FOXN3: variants seen among roughly 807,000 people sequenced by gnomAD.
The protein encoded by FOXN3 is forkhead box N3.
FOXN3 carries 7 observed loss-of-function variants against 38.4 expected under a neutral mutation model. The observed-to-expected ratio is 0.18, with a 90% CI of 0.10 to 0.34. The LOEUF is 0.34. FOXN3 is among the 10% of genes least tolerant of loss of function. The pLI is 1.00. For synonymous variants in FOXN3, 230 were observed against 242.2 expected (o/e 0.95, Z 0.47); for missense variants, 456 against 613.4 (o/e 0.74, Z 2.71).
At chr14:89,443,238 C>A (rs1029263450) in intron 1 of FOXN3, among the ~76,000 whole-genome samples, 9 of 152,318 alleles carry the variant, frequency 5.9e-5, no homozygotes, top group African/African-American at 1.9e-4. Flanking sequence ...ACAGGGAAAA[C>A]TGGCTATTTG....
chr14:89,216,949 ATCT>A (rs1451151563), intron 4 of FOXN3, among the ~76,000 whole-genome samples: 1 of 152,096 alleles, frequency 6.6e-6, no homozygotes, highest in Non-Finnish European at 1.5e-5. Flanking sequence ...TGGAAATGGC[ATCT>A]TCTTATTCTC....
chr14:89,181,054 A>G (rs1887662553), intron 4 of FOXN3, among the ~76,000 whole-genome samples: 1 of 152,034 alleles, frequency 6.6e-6, no homozygotes, highest in Admixed American at 6.6e-5. Flanking sequence ...GTACACCTGC[A>G]CATACAGACA....
intron 5 of FOXN3, among the ~76,000 whole-genome samples, chr14:89,178,980 C>T (rs1887595316): frequency 6.6e-6 from 1 of 152,128 alleles, no homozygotes; most frequent in Non-Finnish European, 1.5e-5. Flanking sequence ...AGAAGGTAAA[C>T]TATGAGGCAA....
At chr14:89,371,493 A>G (rs1190354596) in intron 2 of FOXN3, among the ~76,000 whole-genome samples, 2 of 152,008 alleles carry the variant, frequency 1.3e-5, no homozygotes, top group African/African-American at 2.4e-5. Flanking sequence ...CCCGGCATTA[A>G]GCACACAAAT....
rs1286245307 is a variant in FOXN3, at chr14:89,505,758, T to C, written c.-14-93268A>G. Among the ~76,000 whole-genome samples, 8 of 150,228 alleles carry C rather than the reference T, an allele frequency of 5.3e-5. No individual in the cohort carries two copies. The South Asian group carries it at 6.4e-4, about 12-fold the overall frequency. ...CCCATCGTCTGGGATGTGAGGAGCC[T>C]CTCTGCCTGGCTGCCCAGTCTGGAA... On this transcript the variant is annotated intron_variant, in intron 1 of 6. Coordinates refer to the FOXN3 transcript ENST00000345097.
intron 4 of FOXN3, among the ~76,000 whole-genome samples, chr14:89,205,465 C>G (rs1232790669): frequency 6.6e-6 from 1 of 152,230 alleles, no homozygotes; most frequent in East Asian, 1.9e-4. Context: ...TGCCACACTC[C>G]CATCGTGTGC....
At chr14:89,357,044 G>C (rs940947131) in intron 2 of FOXN3, among the ~76,000 whole-genome samples, 17 of 152,160 alleles carry the variant, frequency 1.1e-4, no homozygotes, top group Non-Finnish European at 2.1e-4. Flanking sequence ...GACGGAGAAA[G>C]GAGGACAGCT....
intron 1 of FOXN3, among the ~76,000 whole-genome samples, chr14:89,534,132 G>A (rs1464131387): frequency 1.5e-4 from 20 of 131,218 alleles, no homozygotes; most frequent in African/African-American, 4.5e-4. Context: ...TTGAGACAGC[G>A]TCTCACTCTG....
intron 2 of FOXN3, among the ~76,000 whole-genome samples, chr14:89,392,934 G>T (rs1175614269): frequency 1.1e-4 from 17 of 151,760 alleles, no homozygotes. Context: ...AGCCTCCCGA[G>T]TAGCTGGGAC....
chr14:89,261,366 C>T (rs1277086609), intron 4 of FOXN3, among the ~76,000 whole-genome samples: 1 of 152,174 alleles, frequency 6.6e-6, no homozygotes, highest in Non-Finnish European at 1.5e-5. Context: ...CAAGCAGAAA[C>T]GCTGGGACTC....
intron 4 of FOXN3, among the ~76,000 whole-genome samples, chr14:89,215,752 G>A: frequency 6.6e-6 from 1 of 152,214 alleles, no homozygotes; most frequent in East Asian, 1.9e-4. Flanking sequence ...GTGGCAGTCA[G>A]GAGAATTTGT....
intron 4 of FOXN3, among the ~76,000 whole-genome samples, chr14:89,254,939 A>G (rs1159550887): frequency 6.6e-6 from 1 of 152,236 alleles, no homozygotes; most frequent in Non-Finnish European, 1.5e-5. Context: ...AGAGATCTGC[A>G]GGAAAGCTAA....
intron 1 of FOXN3, among the ~76,000 whole-genome samples, chr14:89,508,413 GA>G (rs1457448004): frequency 6.6e-6 from 1 of 152,174 alleles, no homozygotes; most frequent in Non-Finnish European, 1.5e-5. Flanking sequence ...AGACAGCCTA[GA>G]AATTCCACAG....
chr14:89,456,396 G>A (rs1289057931), intron 1 of FOXN3, among the ~76,000 whole-genome samples: 1 of 152,110 alleles, frequency 6.6e-6, no homozygotes, highest in African/African-American at 2.4e-5. Flanking sequence ...ATACCCCATG[G>A]CATCTCCAGC....
At chr14:89,417,534 T>C, upstream of FOXN3, 1 of 191,132 alleles carries the variant, frequency 5.2e-6, no homozygotes, top group Non-Finnish European at 1.1e-5. Flanking sequence ...GGCAGGTGGG[T>C]CAGGCGGCGC....
chr14:89,526,820 A>C (rs1894441401), intron 1 of FOXN3, among the ~76,000 whole-genome samples: 1 of 152,168 alleles, frequency 6.6e-6, no homozygotes. Flanking sequence ...AAATTAGAAG[A>C]CTTACAGTAC....
intron 3 of FOXN3, 29 bp downstream of exon 3, chr14:89,350,643 A>G (rs773617873): frequency 6.7e-7 from 1 of 1,484,936 alleles, no homozygotes; most frequent in Non-Finnish European, 8.9e-7. Flanking sequence ...ATTTCAGTAG[A>G]CCAAAAAAAA....
At chr14:89,265,465 C>T (rs1885945537) in intron 4 of FOXN3, among the ~76,000 whole-genome samples, 1 of 152,038 alleles carries the variant, frequency 6.6e-6, no homozygotes, top group African/African-American at 2.4e-5. Flanking sequence ...ATCAGACCAG[C>T]CTCTATCACA....
chr14:89,325,301 ACACCAC>A (rs1369611682), intron 3 of FOXN3, among the ~76,000 whole-genome samples: 1 of 80,254 alleles, frequency 1.2e-5, no homozygotes. Context: ...ACCAACACCA[ACACCAC>A]CACCACGACC....
Sources: allele counts gnomAD v4.1 joint callset (sites outside exome capture counted in the v4.1 genomes callset), GRCh38; gene constraint gnomAD v4.1.1; transcripts MANE v1.5; gene names NCBI Gene and HGNC (gene_info 2026-07-23, HGNC 2026-07-21).